Variants in SOX5 observed in about 807,000 individuals in gnomAD.
SOX5 encodes SRY-box transcription factor 5.
Under a neutral mutation model 92.0 loss-of-function variants are expected in SOX5, and 9 were observed. The ratio of observed to expected loss-of-function variants is 0.10; its 90% CI spans 0.06 to 0.17. The LOEUF is 0.17. SOX5 is among the 10% of genes least tolerant of loss of function. SOX5 has a pLI of 1.00. For missense variants in SOX5, 642 were observed against 944.5 expected (o/e 0.68, Z 4.20); for synonymous variants, 344 against 336.3 (o/e 1.02, Z -0.25).
intron 4 of SOX5, among the ~76,000 whole-genome samples, chr12:24,201,495 A>G (rs1403215005): frequency 6.6e-6 from 1 of 152,228 alleles, no homozygotes; most frequent in Non-Finnish European, 1.5e-5. Context: ...TAATTTGAGA[A>G]ACTCTGAATT....
chr12:24,103,703 A>G (rs1405251740), intron 4 of SOX5, among the ~76,000 whole-genome samples: 2 of 152,222 alleles, frequency 1.3e-5, no homozygotes, highest in East Asian at 1.9e-4. Context: ...AGAATTGTAC[A>G]TGGAGCTTTA....
Position 23,949,637 on chromosome 12 carries a change from C to T in SOX5, c.-36G>A, listed in dbSNP as rs749913041. 1.2e-5 allele frequency: 20 copies of T among 1,613,840 alleles called. No individual in the cohort carries two copies. The highest frequency in any genetic ancestry group is 2.7e-5 in the African/African-American group (2 of 75,008). ...CACAATTTCCCTTTGTCACAGCAGC[C>T]ACCTATGATCGTCTCCAACTGAACC... is the stretch of plus-strand genomic sequence containing the variant. On this transcript the variant is annotated 5_prime_UTR_variant, in exon 1 of 15. Coordinates refer to ENST00000451604, the MANE Select transcript of SOX5 (RefSeq NM_006940.6).
Position 24,496,063 on chromosome 12 carries a change from A to G in SOX5, c.-251+66266T>C, listed in dbSNP as rs560536666. Among the ~76,000 whole-genome samples the G allele has an allele frequency of 7.4e-4, 112 of 152,302 alleles. 3 individuals carry two copies. In the South Asian group the frequency reaches 0.02, roughly 27 times the overall value. ...GTTCAAGGCAGAACAACTTTGAAAC[A>G]CTCTAATCTCATAACTAAACAGAGT... On this transcript the variant is annotated intron_variant, in intron 1 of 4. Transcript: ENST00000446891.
At chr12:23,570,910 CA>C (rs148593886) in intron 10 of SOX5, among the ~76,000 whole-genome samples, 55 of 8,156 alleles carry the variant, frequency 6.7e-3, no homozygotes, top group East Asian at 0.012. Context: ...GACTCCAACT[CA>C]AAAAAAAAAA....
At chr12:24,383,650 CAG>C (rs912553679) in intron 1 of SOX5, among the ~76,000 whole-genome samples, 5 of 152,166 alleles carry the variant, frequency 3.3e-5, no homozygotes, top group African/African-American at 1.2e-4. Flanking sequence ...TTATCAGATC[CAG>C]CGTCATGGTA....
At chr12:23,601,500 C>A (rs1232901629) in intron 9 of SOX5, among the ~76,000 whole-genome samples, 2 of 152,054 alleles carry the variant, frequency 1.3e-5, no homozygotes, top group African/African-American at 4.8e-5. Context: ...CAACACAAAA[C>A]CCTTTAATAA....
At chr12:23,916,628 G>A (rs1428866566) in intron 1 of SOX5, among the ~76,000 whole-genome samples, 3 of 152,062 alleles carry the variant, frequency 2.0e-5, no homozygotes, top group Non-Finnish European at 4.4e-5. Context: ...TATAATCTAA[G>A]GGAAATTTAT....
chr12:23,651,771 T>C (rs1331449687), intron 7 of SOX5, among the ~76,000 whole-genome samples: 1 of 151,554 alleles, frequency 6.6e-6, no homozygotes, highest in African/African-American at 2.4e-5. Flanking sequence ...ATGCCTGGCA[T>C]AGAGTAGATG....
At chr12:24,064,152 C>T (rs1334174290) in intron 4 of SOX5, among the ~76,000 whole-genome samples, 2 of 152,180 alleles carry the variant, frequency 1.3e-5, no homozygotes, top group African/African-American at 4.8e-5. Context: ...ACCAACAAGA[C>T]ATATGCATTC....
At chr12:24,013,208 A>T (rs545452975) in intron 4 of SOX5, among the ~76,000 whole-genome samples, 1 of 152,306 alleles carries the variant, frequency 6.6e-6, no homozygotes, top group South Asian at 2.1e-4. Flanking sequence ...GAAAAAATAC[A>T]ATGGTGCCCT....
chr12:23,911,500 T>C (rs2097351463), intron 1 of SOX5, among the ~76,000 whole-genome samples: 1 of 152,116 alleles, frequency 6.6e-6, no homozygotes, highest in African/African-American at 2.4e-5. Context: ...AAACTTGTTG[T>C]TCGGTTTTTC....
At chr12:23,849,412 T>C (rs1340736372) in intron 2 of SOX5, among the ~76,000 whole-genome samples, 2 of 152,186 alleles carry the variant, frequency 1.3e-5, no homozygotes, top group East Asian at 1.9e-4. Flanking sequence ...GCAAGCCTGA[T>C]TATAATTTCC....
chr12:23,941,818 A>G (rs1943702874), intron 1 of SOX5, among the ~76,000 whole-genome samples: 1 of 151,562 alleles, frequency 6.6e-6, no homozygotes, highest in African/African-American at 2.4e-5. Flanking sequence ...ATCCTAACGA[A>G]TCTCCAACAT....
chr12:24,043,373 C>A (rs1358580731), intron 4 of SOX5, among the ~76,000 whole-genome samples: 1 of 152,134 alleles, frequency 6.6e-6, no homozygotes, highest in African/African-American at 2.4e-5. Context: ...AATTAATTTC[C>A]CTTTTGTGTT....
upstream of SOX5, among the ~76,000 whole-genome samples, chr12:23,952,427 T>C (rs1458125234): frequency 6.6e-6 from 1 of 152,202 alleles, no homozygotes; most frequent in Non-Finnish European, 1.5e-5. Flanking sequence ...CCAACTATAG[T>C]ATAAAGAAAA....
At chr12:24,286,194 A>G (rs1945843600) in intron 2 of SOX5, among the ~76,000 whole-genome samples, 1 of 152,224 alleles carries the variant, frequency 6.6e-6, no homozygotes, top group East Asian at 1.9e-4. Flanking sequence ...AAAAAAGAGA[A>G]AAAAGGGAAT....
intron 4 of SOX5, among the ~76,000 whole-genome samples, chr12:24,010,120 A>C (rs1281843465): frequency 6.6e-6 from 1 of 152,246 alleles, no homozygotes; most frequent in African/African-American, 2.4e-5. Flanking sequence ...CAATTTCTCA[A>C]AACAAGAAAA....
rs190121543 is a variant in SOX5, at chr12:24,424,106, T to A, written c.-250-55467A>T. On this transcript the variant is annotated intron_variant, in intron 1 of 4. Coordinates refer to the SOX5 transcript ENST00000446891. ...GCTACCTGTGGCAGCTGAAAAATATTACAGTGGAATTTCAGGGGCAAATAG... is the reference window on the plus strand; with the variant it reads ...GCTACCTGTGGCAGCTGAAAAATATAACAGTGGAATTTCAGGGGCAAATAG... Among the ~76,000 whole-genome samples the A allele has an allele frequency of 2.4e-4, 36 of 152,288 alleles. 1 individual carries two copies. Among genetic ancestry groups the A allele is most frequent in the Admixed American group, 2.4e-3 (36 of 15,306 alleles).
intron 1 of SOX5, among the ~76,000 whole-genome samples, chr12:24,516,213 T>C (rs2138397508): frequency 6.6e-6 from 1 of 152,086 alleles, no homozygotes; most frequent in African/African-American, 2.4e-5. Flanking sequence ...TGGCTAATTT[T>C]TAAAAATTTA....
Sources: gnomAD v4.1 joint callset for allele counts (sites outside exome capture counted in the v4.1 genomes callset) on GRCh38, gnomAD v4.1.1 for gene constraint, MANE v1.5 for transcripts, NCBI Gene and HGNC (gene_info 2026-07-23, HGNC 2026-07-21) for gene names.